Variants in OTOGL observed in about 807,000 individuals in gnomAD.
OTOGL encodes otogelin-like protein.
OTOGL carries 285 observed loss-of-function variants against 318.5 expected under a neutral mutation model. The observed-to-expected ratio is 0.89, with a 90% CI of 0.81 to 0.99. OTOGL has a LOEUF of 0.99. Ranked by LOEUF, OTOGL falls within the 50% of genes least tolerant of loss-of-function variation. The pLI is 0.00. For missense variants in OTOGL, 2,899 were observed against 2,845.6 expected (o/e 1.02, Z -0.43); for synonymous variants, 987 against 936.5 (o/e 1.05, Z -0.99).
intron 11 of OTOGL, among the ~76,000 whole-genome samples, chr12:80,243,832 A>G (rs1314491763): frequency 2.1e-5 from 3 of 144,374 alleles, no homozygotes; most frequent in East Asian, 3.9e-4. Flanking sequence ...GCAATTCTAT[A>G]TATAATATAA....
chr12:80,359,197 T>C (rs992829953), intron 52 of OTOGL, among the ~76,000 whole-genome samples: 2 of 152,130 alleles, frequency 1.3e-5, no homozygotes, highest in Admixed American at 1.3e-4. Context: ...ATTATCTTAA[T>C]ATTGAGTGGT....
rs376661523 is a variant in OTOGL, at chr12:80,352,266, A to G, written c.5266-29A>G. ...GCTTTCAGAGAAATAAAACAATATAACTTATTTCAAGGCAAAATGTTTCTC... is the reference window on the plus strand; with the variant it reads ...GCTTTCAGAGAAATAAAACAATATAGCTTATTTCAAGGCAAAATGTTTCTC... On this transcript the variant is annotated intron_variant, in intron 44 of 58. Transcript: ENST00000547103. The G allele has an allele frequency of 1.9e-6, 3 of 1,585,266 alleles. No individual in the cohort carries two copies. In the African/African-American group the frequency reaches 4.1e-5, roughly 21 times the overall value.
At chr12:80,281,557 G>A (rs1311116551) in intron 26 of OTOGL, among the ~76,000 whole-genome samples, 1 of 151,914 alleles carries the variant, frequency 6.6e-6, no homozygotes, top group Non-Finnish European at 1.5e-5. Context: ...ACTTGATTGT[G>A]GTGGATTAGC....
At chr12:80,111,660 G>A (rs201343753) in intron 1 of OTOGL, among the ~76,000 whole-genome samples, 109 of 152,182 alleles carry the variant, frequency 7.2e-4, no homozygotes, top group Non-Finnish European at 1.2e-3. Context: ...GCCTTGTAGT[G>A]TAGTTTGAAG....
In OTOGL at chr12:80,235,529, G is replaced by A. The variant is rs530128700; in HGVS notation, c.817+2432G>A. On this transcript the variant is annotated intron_variant, in intron 9 of 58. Coordinates refer to ENST00000547103, the MANE Select transcript of OTOGL (RefSeq NM_001378609.3). ...GGCAACTTCTCCTGGGATGCCCAGG[G>A]AACATGGTATGGAGGTCAGGATAGA... 4.0e-5 allele frequency among the ~76,000 whole-genome samples: 6 copies of A among 150,984 alleles called. No individual in the cohort carries two copies. In the East Asian group the frequency reaches 9.7e-4, roughly 24 times the overall value.
intron 1 of OTOGL, among the ~76,000 whole-genome samples, chr12:80,125,417 A>G (rs1439173498): frequency 6.6e-6 from 1 of 152,088 alleles, no homozygotes; most frequent in Non-Finnish European, 1.5e-5. Context: ...AAGCTTTTTG[A>G]TGTGCTGCTG....
At chr12:80,277,267 A>G (rs1883881735) in intron 24 of OTOGL, among the ~76,000 whole-genome samples, 1 of 146,616 alleles carries the variant, frequency 6.8e-6, no homozygotes, top group South Asian at 2.1e-4. Context: ...TTGTTCTATT[A>G]TTATTTTGTT....
At chr12:80,137,516 G>A (rs1260749374) in intron 1 of OTOGL, among the ~76,000 whole-genome samples, 1 of 152,018 alleles carries the variant, frequency 6.6e-6, no homozygotes, top group South Asian at 2.1e-4. Flanking sequence ...ACACTAATTT[G>A]GATGTTTTAT....
intron 29 of OTOGL, among the ~76,000 whole-genome samples, chr12:80,308,099 A>C (rs1364171576): frequency 5.3e-5 from 6 of 113,208 alleles, no homozygotes; most frequent in Admixed American, 1.8e-4. Context: ...TGGGGGGCTG[A>C]CCCCCCCACC....
chr12:80,108,848 G>GTA (rs375973972), intron 1 of OTOGL, among the ~76,000 whole-genome samples: 76,919 of 129,854 alleles, frequency 0.59, 23,607 homozygotes, highest in African/African-American at 0.69. Context: ...ATATATATGT[G>GTA]TATATATATG....
intron 18 of OTOGL, 56 bp from the exon 19 acceptor site, chr12:80,261,913 G>A (rs748211224): frequency 8.5e-5 from 133 of 1,570,566 alleles, no homozygotes; most frequent in Non-Finnish European, 1.1e-4. Context: ...ATATCTGAAG[G>A]TTATGAACAA....
At chr12:80,339,053 A>G in intron 42 of OTOGL, 22 bp from the exon 43 acceptor site, 1 of 1,525,004 alleles carries the variant, frequency 6.6e-7, no homozygotes, top group Non-Finnish European at 9.0e-7. Context: ...ATTTCTTAAC[A>G]GGTGTATTTA....
intron 52 of OTOGL, among the ~76,000 whole-genome samples, chr12:80,363,295 T>C (rs1890340861): frequency 1.3e-5 from 2 of 152,162 alleles, no homozygotes; most frequent in African/African-American, 4.8e-5. Flanking sequence ...TGATAGGAGA[T>C]GGAAAGAGTC....
At chr12:80,153,323 G>A (rs914935287) in intron 1 of OTOGL, among the ~76,000 whole-genome samples, 3 of 152,050 alleles carry the variant, frequency 2.0e-5, no homozygotes, top group Non-Finnish European at 4.4e-5. Flanking sequence ...TTTTATAAGG[G>A]CATTAATCCC....
At chr12:80,116,300 G>A (rs764681691) in intron 1 of OTOGL, among the ~76,000 whole-genome samples, 36 of 152,010 alleles carry the variant, frequency 2.4e-4, no homozygotes, top group Non-Finnish European at 4.4e-4. Flanking sequence ...TTGGATAGGG[G>A]AGAGAGTTCC....
At position 80,378,851 on chromosome 12, in the gene OTOGL, G is replaced by T. The variant is rs1891324086; in HGVS notation, c.*803G>T. ...TACATTGTTATTCCAATAGTAAGGAGCAGGGAAATATAGCATCATTTGCTA... is the reference window on the plus strand; with the variant it reads ...TACATTGTTATTCCAATAGTAAGGATCAGGGAAATATAGCATCATTTGCTA... On this transcript the variant is annotated 3_prime_UTR_variant, in exon 59 of 59. Coordinates refer to ENST00000547103, the MANE Select transcript of OTOGL (RefSeq NM_001378609.3). The T allele has an allele frequency of 6.6e-6, 1 of 152,126 alleles. No homozygotes were observed. The highest frequency in any genetic ancestry group is 1.5e-5 in the Non-Finnish European group (1 of 67,932). 9.4% of individuals were successfully genotyped at this position (152,126 alleles called of 1,614,324 possible).
At chr12:80,178,359 C>G (rs1004543395) in intron 1 of OTOGL, among the ~76,000 whole-genome samples, 36 of 152,092 alleles carry the variant, frequency 2.4e-4, no homozygotes, top group African/African-American at 5.3e-4. Context: ...CTGTGCCCAG[C>G]CTTTTATATG....
chr12:80,307,386 G>C (rs1470437200), intron 29 of OTOGL, among the ~76,000 whole-genome samples: 2 of 151,174 alleles, frequency 1.3e-5, no homozygotes, highest in Non-Finnish European at 2.9e-5. Context: ...AGGCGCGGCC[G>C]GGCAGAGGCA....
chr12:80,368,515 CAA>C (rs1352697412), intron 55 of OTOGL, among the ~76,000 whole-genome samples: 2 of 151,928 alleles, frequency 1.3e-5, no homozygotes, highest in Non-Finnish European at 2.9e-5. Context: ...ACTTGTGACT[CAA>C]ACTTATTTTA....
Sources: gnomAD v4.1 joint callset for allele counts (sites outside exome capture counted in the v4.1 genomes callset) on GRCh38, gnomAD v4.1.1 for gene constraint, MANE v1.5 for transcripts, NCBI Gene and HGNC (gene_info 2026-07-23, HGNC 2026-07-21) for gene names.